The following P2RY2 variants were observed in gnomAD, a reference collection of about 807,000 sequenced individuals.
The protein encoded by P2RY2 is P2Y purinoceptor 2.
For missense variants in P2RY2, 567 were observed against 515.7 expected (o/e 1.10, Z -0.96); for synonymous variants, 241 against 231.9 (o/e 1.04, Z -0.35).
At chr11:73,226,507 G>GC (rs931157488) in intron 1 of P2RY2, among the ~76,000 whole-genome samples, 12 of 151,822 alleles carry the variant, frequency 7.9e-5, no homozygotes, top group African/African-American at 2.9e-4. Context: ...GTGCACCCAC[G>GC]CCCCCCGTAC....
Position 73,234,937 on chromosome 11 carries a change from C to A in P2RY2, c.778C>A (p.Pro260Thr), listed in dbSNP as rs1862589318. 1 of 1,610,906 alleles carries A rather than the reference C, an allele frequency of 6.2e-7. No individual in the cohort carries two copies. Among genetic ancestry groups the A allele is most frequent in the South Asian group, 1.1e-5 (1 of 91,094 alleles). Residue 260 changes from proline (P) to threonine (T), a missense_variant, in exon 3 of 3, where the codon CCA becomes ACA. Pro to Thr is a conservative substitution (Grantham distance 38, BLOSUM62 -1). Coordinates refer to ENST00000393597, the MANE Select transcript of P2RY2 (RefSeq NM_002564.4). ...VLAVFALCFL[P>T]FHVTRTLYYS... ...GGCTGTCTTCGCCCTCTGCTTCCTG[C>A]CATTCCACGTCACCCGCACCCTCTA...
Position 73,236,834 on chromosome 11 carries a change from A to T in P2RY2, c.*1541A>T. ...TGGGTCTCACCTATGATAGGTTCTG[A>T]GTCTAGCCAGGACCACTCTGGGCTG... On this transcript the variant is annotated 3_prime_UTR_variant, in exon 3 of 3. Transcript: ENST00000393597. 1.0e-6 allele frequency: 1 copy of T among 985,344 alleles called. No homozygotes were observed. Among genetic ancestry groups the T allele is most frequent in the Non-Finnish European group, 1.2e-6 (1 of 829,904 alleles). 61.0% of individuals were successfully genotyped at this position (985,344 alleles called of 1,614,324 possible).
intron 2 of P2RY2, 45 bp from the exon 3 acceptor site, chr11:73,234,111 G>A (rs745729568): frequency 2.6e-5 from 41 of 1,554,456 alleles, no homozygotes; most frequent in Admixed American, 1.1e-4. Flanking sequence ...CCCTAGGGGC[G>A]CTCCGGCCAC....
chr11:73,234,915 T>A lies in P2RY2; in HGVS notation c.756T>A (p.Ala252=). 1.2e-6 allele frequency: 2 copies of A among 1,611,060 alleles called. No homozygotes were observed. Among genetic ancestry groups the A allele is most frequent in the Non-Finnish European group, 1.7e-6 (2 of 1,180,012 alleles). Residue 252 remains alanine, a synonymous_variant, in exon 3 of 3, where the codon GCT becomes GCA. Coordinates refer to ENST00000393597, the MANE Select transcript of P2RY2 (RefSeq NM_002564.4). ...TGCGCACCATCGCCGTGGTGCTGGC[T>A]GTCTTCGCCCTCTGCTTCCTGCCAT... The part of the protein sequence containing the change: ...KSVRTIAVVL[A]VFALCFLPFH...
Position 73,235,237 on chromosome 11 carries a change from A to G in P2RY2, c.1078A>G (p.Arg360Gly). The change falls in exon 3 of 3, where the codon AGG becomes GGG. Residue 360 changes from arginine (R) to glycine (G), a missense_variant. Coordinates refer to ENST00000393597, the MANE Select transcript of P2RY2 (RefSeq NM_002564.4). ...EDVLGSSEDSRRTESTPAGSE... is the reference protein window; with the variant it reads ...EDVLGSSEDSGRTESTPAGSE... ...TGTGTTGGGCAGCAGTGAGGACTCT[A>G]GGCGGACAGAGTCCACGCCGGCTGG... The G allele has an allele frequency of 6.2e-7, 1 of 1,602,248 alleles. No homozygotes were observed. Among genetic ancestry groups the G allele is most frequent in the Non-Finnish European group, 8.5e-7 (1 of 1,174,080 alleles).
chr11:73,237,394 T>G lies in P2RY2; in HGVS notation c.*2101T>G, dbSNP rs1235783908. ...TCCCAAGTAGCTGGGATTACAGGTA[T>G]GCGCCACCACACCTGGCTAATTTTT... On this transcript the variant is annotated 3_prime_UTR_variant, in exon 3 of 3. Coordinates refer to ENST00000393597, the MANE Select transcript of P2RY2 (RefSeq NM_002564.4). Among the ~76,000 whole-genome samples the G allele has an allele frequency of 6.6e-6, 1 of 152,090 alleles. No individual in the cohort carries two copies. Among genetic ancestry groups the G allele is most frequent in the Non-Finnish European group, 1.5e-5 (1 of 68,002 alleles).
intron 1 of P2RY2, among the ~76,000 whole-genome samples, chr11:73,220,957 G>T (rs972874928): frequency 2.0e-5 from 3 of 152,148 alleles, no homozygotes; most frequent in African/African-American, 7.2e-5. Flanking sequence ...AGAGGCCATT[G>T]TCCCTCTCTA....
chr11:73,228,108 G>A lies in P2RY2; in HGVS notation c.-72G>A, dbSNP rs988723098. ...TGCAGCCCGGTCCAGGTCCAGGCGT[G>A]TGCATTCATGAGTGAGGAACCCGTG... On this transcript the variant is annotated 5_prime_UTR_variant, in exon 2 of 3. In the 5' UTR this introduces an upstream ATG that the reference lacks. Coordinates refer to ENST00000393597, the MANE Select transcript of P2RY2 (RefSeq NM_002564.4). 1.3e-5 allele frequency: 2 copies of A among 151,104 alleles called. No individual in the cohort carries two copies. The highest frequency in any genetic ancestry group is 2.9e-5 in the Non-Finnish European group (2 of 67,902). The allele number at this position is 151,104 out of a possible 1,614,324, so 9.4% of individuals were successfully genotyped here.
intron 1 of P2RY2, among the ~76,000 whole-genome samples, chr11:73,226,862 G>C (rs1057198072): frequency 1.3e-5 from 2 of 152,194 alleles, no homozygotes; most frequent in Admixed American, 1.3e-4. Flanking sequence ...CTCTGTCCCT[G>C]ACTTACTGTG....
intron 2 of P2RY2, among the ~76,000 whole-genome samples, chr11:73,231,161 T>C (rs1223695454): frequency 6.6e-6 from 1 of 152,126 alleles, no homozygotes; most frequent in Admixed American, 6.5e-5. Flanking sequence ...TCTGTGTCCA[T>C]GGCAGGGGGA....
At chr11:73,226,213 CAG>C (rs1329154320) in intron 1 of P2RY2, among the ~76,000 whole-genome samples, 1 of 152,116 alleles carries the variant, frequency 6.6e-6, no homozygotes, top group East Asian at 1.9e-4. Flanking sequence ...CAGGCTGTAT[CAG>C]AGGTTTGAAA....
chr11:73,235,094 G>T lies in P2RY2; in HGVS notation c.935G>T (p.Arg312Met), dbSNP rs781595185. 9 of 1,607,632 alleles carry T rather than the reference G, an allele frequency of 5.6e-6. No individual in the cohort carries two copies. The highest frequency in any genetic ancestry group is 6.8e-6 in the Non-Finnish European group (8 of 1,179,030). ...GTGCTCTACTTCCTGGCTGGGCAGAGGCTCGTACGCTTTGCCCGAGATGCC... is the reference window on the plus strand; with the variant it reads ...GTGCTCTACTTCCTGGCTGGGCAGATGCTCGTACGCTTTGCCCGAGATGCC... ...DPVLYFLAGQ[R>M]LVRFARDAKP... The change falls in exon 3 of 3, where the codon AGG (arginine) becomes ATG (methionine). Residue 312 changes from arginine (R) to methionine (M), a missense_variant. Physicochemically the swap from Arg to Met is moderately conservative, Grantham distance 91. Transcript: ENST00000393597.
chr11:73,227,426 C>T (rs111954866), intron 1 of P2RY2, among the ~76,000 whole-genome samples: 5 of 151,892 alleles, frequency 3.3e-5, no homozygotes, highest in African/African-American at 9.7e-5. Flanking sequence ...TCTGTGTATC[C>T]GTGTGTCTTG....
intron 1 of P2RY2, among the ~76,000 whole-genome samples, chr11:73,226,674 C>T (rs1862287206): frequency 6.6e-6 from 1 of 152,298 alleles, no homozygotes; most frequent in Non-Finnish European, 1.5e-5. Flanking sequence ...GGTGCATGTT[C>T]TATTTCTCCT....
chr11:73,225,684 G>A lies in P2RY2; in HGVS notation c.-199-2297G>A, dbSNP rs1591629084. Among the ~76,000 whole-genome samples the A allele has an allele frequency of 3.1e-5, 3 of 96,982 alleles. No homozygotes were observed. The East Asian group carries it at 7.4e-4, about 24-fold the overall frequency. 63.6% of individuals were successfully genotyped at this position (96,982 alleles called of 152,430 possible). A position where few individuals can be genotyped will look rare whatever the true frequency, so the allele number is the denominator to read the frequency against. ...TTGCTAATTCAGGATTCAACGAGAG[G>A]AGGTATATGAAGCCACCTAACACAG... On this transcript the variant is annotated intron_variant, in intron 1 of 2. Coordinates refer to ENST00000393597, the MANE Select transcript of P2RY2 (RefSeq NM_002564.4).
Position 73,235,494 on chromosome 11 carries a change from G to T in P2RY2, c.*201G>T. On this transcript the variant is annotated 3_prime_UTR_variant, in exon 3 of 3. Coordinates refer to ENST00000393597, the MANE Select transcript of P2RY2 (RefSeq NM_002564.4). The stretch of plus-strand genomic sequence containing the variant: ...TTCCCATAACCCCTAGTCATCGTTT[G>T]TGTGTATAAGTTGGGGGAATTAAGT... 1 of 1,314,262 alleles carries T rather than the reference G, an allele frequency of 7.6e-7. No homozygotes were observed. Among genetic ancestry groups the T allele is most frequent in the Non-Finnish European group, 9.7e-7 (1 of 1,028,514 alleles). The allele number at this position is 1,314,262 out of a possible 1,614,324, so 81.4% of individuals were successfully genotyped here. A position where few individuals can be genotyped will look rare whatever the true frequency, so the allele number is the denominator to read the frequency against.
In P2RY2 at chr11:73,234,423, G is replaced by A. The variant is rs139404880; in HGVS notation, c.264G>A (p.Leu88=). ...SDALYAASLP[L]LVYYYARGDH... is the part of the protein sequence containing the mutation. ...CACTGTATGCGGCCTCCCTGCCGCTGCTGGTCTATTACTACGCCCGCGGCG... is the reference window on the plus strand; with the variant it reads ...CACTGTATGCGGCCTCCCTGCCGCTACTGGTCTATTACTACGCCCGCGGCG... Residue 88 remains leucine, a synonymous_variant, in exon 3 of 3, where the codon CTG becomes CTA. Coordinates refer to ENST00000393597, the MANE Select transcript of P2RY2 (RefSeq NM_002564.4). 9.8e-5 allele frequency: 158 copies of A among 1,614,060 alleles called. No individual in the cohort carries two copies. In the African/African-American group the frequency reaches 1.9e-3, roughly 20 times the overall value.
intron 2 of P2RY2, among the ~76,000 whole-genome samples, chr11:73,233,706 A>C (rs929935116): frequency 1.3e-5 from 2 of 152,238 alleles, no homozygotes; most frequent in Non-Finnish European, 2.9e-5. Context: ...TTTGTTGCCT[A>C]GGCTGGGCTT....
rs748007184 is a variant in P2RY2 at position 73,228,186 on chromosome 11, T to TGGGGGGGGG, written c.-5+16_-5+17insGGGGGGGGG. The TGGGGGGGGG allele has an allele frequency of 7.3e-5, 1 of 13,692 alleles. No individual in the cohort carries two copies. 0.8% of individuals were successfully genotyped at this position (13,692 alleles called of 1,614,324 possible). ...GCAGGGGCTGGTCAGGTACGTGGGG[T>TGGGGGGGGG]GGGGGTGGGGGGGAGCGGGTACGCT... On this transcript the variant is annotated intron_variant, in intron 2 of 2. Coordinates refer to ENST00000393597, the MANE Select transcript of P2RY2 (RefSeq NM_002564.4).
Sources: allele counts gnomAD v4.1 joint callset (sites outside exome capture counted in the v4.1 genomes callset), GRCh38; gene constraint gnomAD v4.1.1; transcripts MANE v1.5; gene names NCBI Gene and HGNC (gene_info 2026-07-23, HGNC 2026-07-21).